Variants in SCHIP1 observed in about 807,000 individuals in gnomAD.
SCHIP1 encodes schwannomin-interacting protein 1.
Under a neutral mutation model 29.7 loss-of-function variants are expected in SCHIP1, and 8 were observed. That is an observed-to-expected ratio of 0.27 (90% CI 0.16 to 0.49). SCHIP1 has a LOEUF of 0.49. SCHIP1 is among the 20% of genes least tolerant of loss of function. SCHIP1 has a pLI of 0.99. For missense variants in SCHIP1, 193 were observed against 294.6 expected, an observed-to-expected ratio of 0.66 and a Z score of 2.52; for synonymous variants, 76 against 94.9, an observed-to-expected ratio of 0.80 and a Z score of 1.16.
chr3:159,817,322 G>A, the SCHIP1 span, among the ~76,000 whole-genome samples: 1 of 152,170 alleles, frequency 6.6e-6, no homozygotes, highest in Non-Finnish European at 1.5e-5. Context: ...CGGGCTGCGG[G>A]TGGCGGGGTC....
the SCHIP1 span, among the ~76,000 whole-genome samples, chr3:159,614,944 G>A: frequency 1.1e-4 from 16 of 152,264 alleles, no homozygotes; most frequent in South Asian, 1.2e-3. Flanking sequence ...CAGGAGATTC[G>A]GACAGGAAGA....
At chr3:159,574,416 T>C in the SCHIP1 span, among the ~76,000 whole-genome samples, 1 of 152,324 alleles carries the variant, frequency 6.6e-6, no homozygotes, top group South Asian at 2.1e-4. Context: ...CCAGACCTGT[T>C]TGCCTAGGTG....
chr3:159,646,685 C>T, the SCHIP1 span, among the ~76,000 whole-genome samples: 50 of 152,244 alleles, frequency 3.3e-4, no homozygotes, highest in Non-Finnish European at 5.1e-4. Flanking sequence ...TGTCATACCT[C>T]GTACATAACA....
the SCHIP1 span, among the ~76,000 whole-genome samples, chr3:159,585,276 TACTC>T: frequency 1.3e-5 from 2 of 152,128 alleles, no homozygotes; most frequent in Non-Finnish European, 1.5e-5. Flanking sequence ...ACAGAGTAGG[TACTC>T]ACTAAGTAAT....
rs1364130560 is a variant in SCHIP1 at position 159,861,697 on chromosome 3, CTCAGTTGCCCT to C, written c.31-4464_31-4454del. Among the ~76,000 whole-genome samples the C allele has an allele frequency of 1.6e-4, 25 of 152,150 alleles. No homozygotes were observed. Among genetic ancestry groups the C allele is most frequent in the African/African-American group, 5.6e-4 (23 of 41,422 alleles). ...TGCCTGATAGTGATGAGCCCTGTTC[CTCAGTTGCCCT>C]TTGTTTTTGCTAGCAATACTAATTT... On this transcript the variant is annotated intron_variant, in intron 1 of 6. Transcript: ENST00000445224. The surrounding 1 kb of genome is among the most constrained non-coding windows in gnomAD (Gnocchi z 4.1).
At chr3:159,887,053 C>T (rs2109443691) in intron 3 of SCHIP1, 1 of 152,864 alleles carries the variant, frequency 6.5e-6, no homozygotes, top group South Asian at 2.1e-4. Context: ...AGTTACAATT[C>T]AGGATGAGAT....
intron 1 of SCHIP1, among the ~76,000 whole-genome samples, chr3:159,856,575 A>G (rs1713391746): frequency 6.6e-6 from 1 of 152,208 alleles, no homozygotes; most frequent in Non-Finnish European, 1.5e-5. Context: ...GAGCAGAGAA[A>G]ATGCAGGGAA....
chr3:159,590,298 T>C, the SCHIP1 span, among the ~76,000 whole-genome samples: 1 of 152,118 alleles, frequency 6.6e-6, no homozygotes, highest in East Asian at 1.9e-4. Context: ...AGTAGAGCTT[T>C]TCATTCACCT....
the SCHIP1 span, among the ~76,000 whole-genome samples, chr3:159,823,452 C>T: frequency 6.6e-6 from 1 of 152,106 alleles, no homozygotes; most frequent in Non-Finnish European, 1.5e-5. Flanking sequence ...AGTTAGATTC[C>T]TCTTCTGTAG....
chr3:159,410,927 G>A, the SCHIP1 span, among the ~76,000 whole-genome samples: 1 of 152,072 alleles, frequency 6.6e-6, no homozygotes, highest in Admixed American at 6.5e-5. Flanking sequence ...TATGCACCAT[G>A]GAGTACTATG....
the SCHIP1 span, among the ~76,000 whole-genome samples, chr3:159,290,943 A>C: frequency 2.0e-5 from 3 of 152,094 alleles, no homozygotes; most frequent in African/African-American, 7.2e-5. Flanking sequence ...TATAAGCATA[A>C]AATTTTATTT....
At chr3:159,751,683 G>A in the SCHIP1 span, among the ~76,000 whole-genome samples, 81 of 151,870 alleles carry the variant, frequency 5.3e-4, no homozygotes, top group African/African-American at 1.5e-3. Context: ...TAGCTGGGAC[G>A]ACAGGTGCCC....
At chr3:159,405,447 T>C in the SCHIP1 span, among the ~76,000 whole-genome samples, 1 of 152,148 alleles carries the variant, frequency 6.6e-6, no homozygotes, top group Non-Finnish European at 1.5e-5. Context: ...AACAAAGAAA[T>C]TGAATAATTA....
At chr3:159,659,514 G>A in the SCHIP1 span, among the ~76,000 whole-genome samples, 1 of 152,162 alleles carries the variant, frequency 6.6e-6, no homozygotes, top group Non-Finnish European at 1.5e-5. Context: ...ACTGCTACAA[G>A]AACCATCAGA....
the SCHIP1 span, among the ~76,000 whole-genome samples, chr3:159,613,189 T>A: frequency 6.6e-6 from 1 of 152,230 alleles, no homozygotes; most frequent in Admixed American, 6.5e-5. Flanking sequence ...ATCTTCATTT[T>A]TCATTTTTGA....
chr3:159,825,459 A>G, the SCHIP1 span, among the ~76,000 whole-genome samples: 1 of 152,186 alleles, frequency 6.6e-6, no homozygotes, highest in Non-Finnish European at 1.5e-5. Flanking sequence ...GCAGTCACTT[A>G]GCATCCAGGA....
chr3:159,338,769 G>A, the SCHIP1 span, among the ~76,000 whole-genome samples: 1 of 152,066 alleles, frequency 6.6e-6, no homozygotes, highest in Non-Finnish European at 1.5e-5. Context: ...ATAATATATT[G>A]GATGCTATGG....
At chr3:159,868,114 T>C (rs949732609) in intron 2 of SCHIP1, among the ~76,000 whole-genome samples, 2 of 150,504 alleles carry the variant, frequency 1.3e-5, no homozygotes, top group Non-Finnish European at 3.0e-5. Context: ...AATATTAATC[T>C]ATATGTAACA....
the SCHIP1 span, among the ~76,000 whole-genome samples, chr3:159,323,087 A>G: frequency 2.6e-5 from 4 of 152,236 alleles, no homozygotes; most frequent in Non-Finnish European, 4.4e-5. Context: ...TCTCTACTCA[A>G]AAGATTGGCA....
Sources: gnomAD v4.1 joint callset for allele counts (sites outside exome capture counted in the v4.1 genomes callset) on GRCh38, gnomAD v4.1.1 for gene constraint, Gnocchi (gnomAD v3.1) non-coding constraint, MANE v1.5 for transcripts, NCBI Gene and HGNC (gene_info 2026-07-23, HGNC 2026-07-21) for gene names.